Variants in IGF1R observed in about 807,000 individuals in gnomAD.
The protein encoded by IGF1R is insulin like growth factor 1 receptor.
Under a neutral mutation model 144.6 loss-of-function variants are expected in IGF1R, and 44 were observed. The observed-to-expected ratio is 0.30, with a 90% confidence interval of 0.24 to 0.39. IGF1R has a LOEUF of 0.39. Among genes scored for constraint, IGF1R ranks in the 10% least tolerant of loss-of-function variants. IGF1R has a pLI of 1.00. For synonymous variants in IGF1R, 795 were observed against 722.8 expected (o/e 1.10, Z -1.60); for missense variants, 1,355 against 1,833.7 (o/e 0.74, Z 4.77).
chr15:98,920,165 G>C (rs747505586), intron 10 of IGF1R, among the ~76,000 whole-genome samples: 1 of 152,204 alleles, frequency 6.6e-6, no homozygotes, highest in South Asian at 2.1e-4. Flanking sequence ...TTATGGGATG[G>C]AGTGGGGAAA....
chr15:98,826,455 A>G lies in IGF1R; in HGVS notation c.641-64870A>G, dbSNP rs60039234. Among the ~76,000 whole-genome samples the G allele has an allele frequency of 3.9e-3, 593 of 152,348 alleles. 2 individuals carry two copies. Among genetic ancestry groups the G allele is most frequent in the African/African-American group, 0.014 (566 of 41,586 alleles). ...CAAAATGATATTTAAGTGAACTGCA[A>G]TGAAAAATGCAACGACTGTAATTTA... On this transcript the variant is annotated intron_variant, in intron 2 of 20. Coordinates refer to ENST00000650285, the MANE Select transcript of IGF1R (RefSeq NM_000875.5).
intron 20 of IGF1R, among the ~76,000 whole-genome samples, chr15:98,951,761 C>G (rs2016783828): frequency 6.6e-6 from 1 of 152,194 alleles, no homozygotes; most frequent in African/African-American, 2.4e-5. Context: ...GTGTAGCTGG[C>G]TTCTCTGAGT....
At chr15:98,857,613 A>G (rs1384862242) in intron 2 of IGF1R, among the ~76,000 whole-genome samples, 1 of 152,174 alleles carries the variant, frequency 6.6e-6, no homozygotes, top group Non-Finnish European at 1.5e-5. Flanking sequence ...ACCATGATGG[A>G]CTGTTCTGTG....
chr15:98,765,746 G>A (rs1032749524), intron 2 of IGF1R, among the ~76,000 whole-genome samples: 2 of 152,188 alleles, frequency 1.3e-5, no homozygotes, highest in Non-Finnish European at 2.9e-5. Context: ...TAGAATGGCT[G>A]CATTCTTTGC....
intron 2 of IGF1R, among the ~76,000 whole-genome samples, chr15:98,831,599 A>G (rs540306014): frequency 1.3e-5 from 2 of 152,344 alleles, no homozygotes; most frequent in South Asian, 4.1e-4. Context: ...AGAAAAACCT[A>G]ACAAATTTAT....
chr15:98,728,673 A>G (rs2054423881), intron 2 of IGF1R, among the ~76,000 whole-genome samples: 1 of 152,268 alleles, frequency 6.6e-6, no homozygotes, highest in Admixed American at 6.5e-5. Flanking sequence ...GGGCGGGGTC[A>G]GGCCCCCATC....
chr15:98,873,503 G>A (rs1236514774), intron 2 of IGF1R, among the ~76,000 whole-genome samples: 2 of 152,204 alleles, frequency 1.3e-5, no homozygotes, highest in Admixed American at 6.5e-5. Flanking sequence ...TCTGCAGAGG[G>A]CAGTCATGTG....
intron 2 of IGF1R, among the ~76,000 whole-genome samples, chr15:98,799,867 T>C (rs1283372052): frequency 6.6e-6 from 1 of 152,164 alleles, no homozygotes; most frequent in Non-Finnish European, 1.5e-5. Flanking sequence ...GAACAGTTAA[T>C]AGCTTGGATT....
intron 2 of IGF1R, among the ~76,000 whole-genome samples, chr15:98,808,917 T>C (rs998542920): frequency 4.6e-5 from 7 of 152,094 alleles, no homozygotes; most frequent in African/African-American, 1.7e-4. Flanking sequence ...TGAACTCCTA[T>C]CTCAAGTGAT....
intron 1 of IGF1R, among the ~76,000 whole-genome samples, chr15:98,705,472 C>G (rs2053838936): frequency 6.6e-6 from 1 of 152,198 alleles, no homozygotes; most frequent in African/African-American, 2.4e-5. Flanking sequence ...TTCCCCAAAT[C>G]TGTTTCCTCA....
At chr15:98,911,239 A>C (rs2015001872) in intron 6 of IGF1R, 76 bp from the exon 7 acceptor site, 11 of 1,564,800 alleles carry the variant, frequency 7.0e-6, no homozygotes, top group Admixed American at 1.7e-5. Context: ...GGAAGGGGGA[A>C]GCAGTGCCAA....
intron 2 of IGF1R, among the ~76,000 whole-genome samples, chr15:98,715,320 G>A (rs1040847713): frequency 4.6e-5 from 7 of 152,124 alleles, no homozygotes; most frequent in African/African-American, 1.7e-4. Context: ...ATTAGTGATG[G>A]TGTCACCATC....
Position 98,707,038 on chromosome 15 carries a change from A to G in IGF1R, c.95-524A>G, listed in dbSNP as rs528457268. 6.6e-6 allele frequency among the ~76,000 whole-genome samples: 1 copy of G among 152,320 alleles called. No homozygotes were observed. Among genetic ancestry groups the G allele is most frequent in the African/African-American group, 2.4e-5 (1 of 41,574 alleles). Reference sequence around the variant, plus strand: ...AAATGGTAGTGGGAAGCATGGAAGCATGCGTTTTTTAGTCCCCACTTTACA... The same window carrying G: ...AAATGGTAGTGGGAAGCATGGAAGCGTGCGTTTTTTAGTCCCCACTTTACA... On this transcript the variant is annotated intron_variant, in intron 1 of 20. Coordinates refer to ENST00000650285, the MANE Select transcript of IGF1R (RefSeq NM_000875.5). The surrounding 1 kb of genome is among the most constrained non-coding windows in gnomAD (Gnocchi z 6.7).
rs140833981 is a variant in IGF1R at position 98,758,512 on chromosome 15, C to T, written c.640+50405C>T. Among the ~76,000 whole-genome samples, 621 of 152,324 alleles carry T rather than the reference C, an allele frequency of 4.1e-3. 4 individuals are homozygous for T. Among genetic ancestry groups the T allele is most frequent in the Middle Eastern group, 0.01 (3 of 294 alleles). ...ATAAGCCAGGAAACAGATACTGTGC[C>T]GCTGAGTTGCTCTGTTCCCAGTCTC... On this transcript the variant is annotated intron_variant, in intron 2 of 20. Transcript: ENST00000650285.
At chr15:98,791,595 G>A (rs1042754528) in intron 2 of IGF1R, among the ~76,000 whole-genome samples, 4 of 152,140 alleles carry the variant, frequency 2.6e-5, no homozygotes, top group Non-Finnish European at 5.9e-5. Context: ...GTGGGGAGAA[G>A]CTTGAAAACC....
At chr15:98,810,963 T>C (rs1177916879) in intron 2 of IGF1R, among the ~76,000 whole-genome samples, 1 of 152,192 alleles carries the variant, frequency 6.6e-6, no homozygotes. Flanking sequence ...ACAGTCATAC[T>C]CATTTGCTTT....
rs879765535 is a variant in IGF1R at position 98,723,377 on chromosome 15, A to G, written c.640+15270A>G. Among the ~76,000 whole-genome samples the G allele has an allele frequency of 3.3e-5, 5 of 152,200 alleles. No individual in the cohort carries two copies. In the East Asian group the frequency reaches 7.7e-4, roughly 23 times the overall value. On this transcript the variant is annotated intron_variant, in intron 2 of 20. Transcript: ENST00000650285. ...TTTGGCCTGGAGAAATATTAAATCT[A>G]TGTTAAGTATGCAGACATGAATGGG...
At chr15:98,827,219 GTT>G (rs2056910401) in intron 2 of IGF1R, among the ~76,000 whole-genome samples, 1 of 152,176 alleles carries the variant, frequency 6.6e-6, no homozygotes, top group South Asian at 2.1e-4. Flanking sequence ...GTATTTAGGA[GTT>G]TCAGAGCAAA....
intron 2 of IGF1R, among the ~76,000 whole-genome samples, chr15:98,844,539 G>A (rs1315489598): frequency 2.0e-5 from 3 of 151,872 alleles, no homozygotes; most frequent in Non-Finnish European, 4.4e-5. Context: ...CAAATAAATT[G>A]CTTAAACTAG....
Sources: gnomAD v4.1 joint callset for allele counts (sites outside exome capture counted in the v4.1 genomes callset) on GRCh38, gnomAD v4.1.1 for gene constraint, Gnocchi (gnomAD v3.1) non-coding constraint, MANE v1.5 for transcripts, NCBI Gene and HGNC (gene_info 2026-07-23, HGNC 2026-07-21) for gene names.